CACNB4: variants seen among roughly 807,000 people sequenced by gnomAD.
The protein encoded by CACNB4 is calcium voltage-gated channel auxiliary subunit beta 4, also known as voltage-dependent L-type calcium channel subunit beta-4.
In CACNB4, 32 loss-of-function variants were observed where a neutral mutation model predicts 71.2. The ratio of observed to expected loss-of-function variants is 0.45; its 90% CI spans 0.34 to 0.60. CACNB4 has a LOEUF of 0.60. CACNB4 is among the 20% of genes least tolerant of loss of function. The probability of loss-of-function intolerance (pLI) is 0.01; values close to 1 mark genes in which losing one functional copy is unlikely to be tolerated. For missense variants in CACNB4, 464 were observed against 647.9 expected (o/e 0.72, Z 3.08); for synonymous variants, 231 against 236.9 (o/e 0.97, Z 0.23).
At chr2:152,060,312 C>T (rs1001190481) in intron 2 of CACNB4, among the ~76,000 whole-genome samples, 22 of 152,280 alleles carry the variant, frequency 1.4e-4, no homozygotes, top group African/African-American at 4.8e-4. Context: ...TGATTCATTT[C>T]ATACCATTAC....
intron 2 of CACNB4, among the ~76,000 whole-genome samples, chr2:152,076,625 G>A (rs889943234): frequency 6.6e-6 from 1 of 152,016 alleles, no homozygotes; most frequent in Non-Finnish European, 1.5e-5. Flanking sequence ...TCAGGCACAC[G>A]TATTAAAAGA....
chr2:151,855,006 T>G (rs1311487968), intron 11 of CACNB4: 11 of 380,776 alleles, frequency 2.9e-5, no homozygotes, highest in Non-Finnish European at 4.7e-5. Context: ...CATAACTGTC[T>G]TGTTTGGGAT....
intron 2 of CACNB4, among the ~76,000 whole-genome samples, chr2:151,921,809 T>C (rs2099859086): frequency 6.6e-6 from 1 of 152,140 alleles, no homozygotes; most frequent in Admixed American, 6.5e-5. Context: ...TATTTAAAAG[T>C]GTGTGGCACT....
Position 151,837,584 on chromosome 2 carries a change from GA to G in CACNB4, c.*1534del, listed in dbSNP as rs1042288770. On this transcript the variant is annotated 3_prime_UTR_variant, in exon 14 of 14. Transcript: ENST00000539935. ...TATGGCTGGACTTATTGGGGTTTTA[GA>G]AAATGCATGCACTATGGACATTTAG... The G allele has an allele frequency of 1.3e-5, 2 of 151,804 alleles. No individual in the cohort carries two copies. Among genetic ancestry groups the G allele is most frequent in the African/African-American group, 4.8e-5 (2 of 41,380 alleles). The allele number at this position is 151,804 out of a possible 1,614,324, so 9.4% of individuals were successfully genotyped here.
intron 2 of CACNB4, among the ~76,000 whole-genome samples, chr2:151,920,535 C>T (rs2099858733): frequency 1.3e-5 from 2 of 151,916 alleles, no homozygotes; most frequent in African/African-American, 4.8e-5. Context: ...CAGGCTCTTG[C>T]TATGTTTCCC....
chr2:151,916,399 C>G (rs1263275051), intron 2 of CACNB4, among the ~76,000 whole-genome samples: 1 of 151,940 alleles, frequency 6.6e-6, no homozygotes, highest in East Asian at 1.9e-4. Flanking sequence ...AACCAGTTTA[C>G]TCTGTATTTA....
At chr2:151,864,801 T>C (rs958556868) in intron 9 of CACNB4, among the ~76,000 whole-genome samples, 1 of 152,240 alleles carries the variant, frequency 6.6e-6, no homozygotes, top group Admixed American at 6.5e-5. Flanking sequence ...TAAATAATTA[T>C]TCATAGTGTC....
At chr2:152,089,454 A>G (rs2105458978) in intron 2 of CACNB4, among the ~76,000 whole-genome samples, 1 of 152,342 alleles carries the variant, frequency 6.6e-6, no homozygotes, top group African/African-American at 2.4e-5. Flanking sequence ...AGTGAAAAAC[A>G]GTCCAGAAGC....
At position 152,020,928 on chromosome 2, in the gene CACNB4, C is replaced by A. The variant is rs1311169813; in HGVS notation, c.147+77402G>T. Reference sequence around the variant, plus strand: ...TCCCCAAAATCAACGCTTAAAATAACTCGGAAACTACTAGCACAGAGACTG... The same window carrying A: ...TCCCCAAAATCAACGCTTAAAATAAATCGGAAACTACTAGCACAGAGACTG... On this transcript the variant is annotated intron_variant, in intron 2 of 13. Transcript: ENST00000539935. Among the ~76,000 whole-genome samples, 4 of 152,180 alleles carry A rather than the reference C, an allele frequency of 2.6e-5. No homozygotes were observed. The East Asian group carries it at 7.7e-4, about 29-fold the overall frequency.
At chr2:151,950,553 A>G (rs1266849523) in intron 2 of CACNB4, among the ~76,000 whole-genome samples, 2 of 152,242 alleles carry the variant, frequency 1.3e-5, no homozygotes, top group Non-Finnish European at 2.9e-5. Flanking sequence ...CACAATCACC[A>G]AAAGGTTGAA....
At chr2:151,999,009 C>T (rs1019526881) in intron 2 of CACNB4, among the ~76,000 whole-genome samples, 1 of 152,194 alleles carries the variant, frequency 6.6e-6, no homozygotes, top group South Asian at 2.1e-4. Context: ...ACTCACACCC[C>T]GGGGCTGAGC....
chr2:151,991,721 T>TA lies in CACNB4; in HGVS notation c.147+106608dup, dbSNP rs566563420. Among the ~76,000 whole-genome samples the TA allele has an allele frequency of 1.7e-3, 266 of 152,310 alleles. 3 individuals are homozygous for TA. The highest frequency in any genetic ancestry group is 6.8e-3 in the Middle Eastern group (2 of 294). On this transcript the variant is annotated intron_variant, in intron 2 of 13. Transcript: ENST00000539935. ...GTCTATTTTTCTGGCTTCCATTTTT[T>TA]AAAAAAATCGTGAAAAACTATCTTT...
At chr2:151,884,946 G>A (rs578204421) in intron 2 of CACNB4, among the ~76,000 whole-genome samples, 1 of 150,812 alleles carries the variant, frequency 6.6e-6, no homozygotes, top group African/African-American at 2.5e-5. Context: ...TCCACTGAGT[G>A]GGGGAAAAAG....
intron 2 of CACNB4, among the ~76,000 whole-genome samples, chr2:151,889,019 T>G (rs1365666015): frequency 6.6e-6 from 1 of 152,224 alleles, no homozygotes. Context: ...TTTTAGAATT[T>G]TAAAGTGTTA....
intron 2 of CACNB4, among the ~76,000 whole-genome samples, chr2:151,952,115 T>C (rs1251114868): frequency 3.3e-5 from 5 of 152,188 alleles, no homozygotes; most frequent in Non-Finnish European, 7.3e-5. Flanking sequence ...GTATTCAGAA[T>C]AGTGAAGGGC....
intron 2 of CACNB4, among the ~76,000 whole-genome samples, chr2:151,965,963 A>C (rs1245675529): frequency 6.6e-6 from 1 of 152,362 alleles, no homozygotes; most frequent in Admixed American, 6.5e-5. Context: ...TAGGCCAAAC[A>C]TCCAGACTCA....
intron 2 of CACNB4, among the ~76,000 whole-genome samples, chr2:152,034,177 A>G (rs1684433668): frequency 6.6e-6 from 1 of 152,240 alleles, no homozygotes; most frequent in Admixed American, 6.5e-5. Flanking sequence ...CAACAGGTCT[A>G]TTAAATGATC....
At chr2:152,012,114 G>T (rs1257059623) in intron 2 of CACNB4, among the ~76,000 whole-genome samples, 2 of 129,986 alleles carry the variant, frequency 1.5e-5, no homozygotes, top group Non-Finnish European at 3.3e-5. Flanking sequence ...AAAAAAAAAA[G>T]TTAACTGTAA....
At chr2:151,900,721 A>G (rs2099853154) in intron 2 of CACNB4, among the ~76,000 whole-genome samples, 1 of 152,142 alleles carries the variant, frequency 6.6e-6, no homozygotes, top group Non-Finnish European at 1.5e-5. Flanking sequence ...GAAAGTGTGA[A>G]AAACTGCAGT....
Sources: allele counts gnomAD v4.1 joint callset (sites outside exome capture counted in the v4.1 genomes callset), GRCh38; gene constraint gnomAD v4.1.1; transcripts MANE v1.5; gene names NCBI Gene and HGNC (gene_info 2026-07-23, HGNC 2026-07-21).